CAMTA1: variants seen among roughly 807,000 people sequenced by gnomAD.
CAMTA1 encodes the protein calmodulin-binding transcription activator 1.
In CAMTA1, 27 loss-of-function variants were observed where a neutral mutation model predicts 170.9. That is an observed-to-expected ratio of 0.16 (90% CI 0.12 to 0.22). The LOEUF is 0.22. Ranked by LOEUF, CAMTA1 falls within the 10% of genes least tolerant of loss-of-function variation. CAMTA1 has a pLI of 1.00. For synonymous variants in CAMTA1, 833 were observed against 891.5 expected (o/e 0.93, Z 1.17); for missense variants, 1,619 against 2,217.2 (o/e 0.73, Z 5.42).
At chr1:7,656,014 T>C (rs1479772595) in intron 7 of CAMTA1, among the ~76,000 whole-genome samples, 1 of 152,176 alleles carries the variant, frequency 6.6e-6, no homozygotes, top group Admixed American at 6.5e-5. Flanking sequence ...TTTCTGGGAA[T>C]GGATTCTTTT....
chr1:7,698,024 T>C (rs1049455487), intron 11 of CAMTA1, among the ~76,000 whole-genome samples: 10 of 147,692 alleles, frequency 6.8e-5, no homozygotes, highest in Non-Finnish European at 1.2e-4. Context: ...TCCCTGCAGC[T>C]GAAGCATAGG....
chr1:6,998,441 C>A (rs1490922663), intron 3 of CAMTA1, among the ~76,000 whole-genome samples: 2 of 152,240 alleles, frequency 1.3e-5, no homozygotes, highest in Admixed American at 1.3e-4. Context: ...ACATGCCATG[C>A]CACTCCCTCT....
chr1:7,460,034 G>A (rs942490154), intron 5 of CAMTA1, among the ~76,000 whole-genome samples: 1 of 152,242 alleles, frequency 6.6e-6, no homozygotes, highest in African/African-American at 2.4e-5. Flanking sequence ...TAAAATCACA[G>A]GGCCTTTGCT....
intron 1 of CAMTA1, among the ~76,000 whole-genome samples, chr1:6,789,631 C>T (rs187110718): frequency 6.6e-6 from 1 of 152,144 alleles, no homozygotes; most frequent in Non-Finnish European, 1.5e-5. Flanking sequence ...TTTGAATTTG[C>T]CCTTCTGGGG....
rs2092589448 is a variant in CAMTA1, at chr1:7,443,081, T to C, written c.439-24749T>C. 6.6e-6 allele frequency among the ~76,000 whole-genome samples: 1 copy of C among 151,716 alleles called. No individual in the cohort carries two copies. The highest frequency in any genetic ancestry group is 1.5e-5 in the Non-Finnish European group (1 of 67,740). ...TCCTCCTCCTGACTTCTTGGCCTCA[T>C]TCACTCCAACAGAACTGTCCCTCCC... is the stretch of plus-strand genomic sequence containing the variant. On this transcript the variant is annotated intron_variant, in intron 5 of 22. Coordinates refer to ENST00000303635, the MANE Select transcript of CAMTA1 (RefSeq NM_015215.4). The surrounding 1 kb of genome is among the most constrained non-coding windows in gnomAD (Gnocchi z 4.1).
intron 5 of CAMTA1, among the ~76,000 whole-genome samples, chr1:7,250,377 C>T (rs1390060859): frequency 6.6e-6 from 1 of 152,236 alleles, no homozygotes; most frequent in Non-Finnish European, 1.5e-5. Context: ...TAACTAGCAT[C>T]CACTTCCCTG....
At chr1:7,660,575 G>T (rs1349243007) in intron 7 of CAMTA1, among the ~76,000 whole-genome samples, 1 of 152,078 alleles carries the variant, frequency 6.6e-6, no homozygotes, top group Non-Finnish European at 1.5e-5. Flanking sequence ...TCAAATCCAT[G>T]TCTGAACCGA....
In CAMTA1 at chr1:6,907,823, C is replaced by A. The variant is rs189600570; in HGVS notation, c.234+82613C>A. Among the ~76,000 whole-genome samples, 82 of 152,308 alleles carry A rather than the reference C, an allele frequency of 5.4e-4. 1 individual carries two copies. Among genetic ancestry groups the A allele is most frequent in the African/African-American group, 1.9e-3 (79 of 41,570 alleles). ...TTCCTGTCCAGCCCTTCTGCTCCTG[C>A]CCCACCTGGGAGCCACTGTGGTCCT... On this transcript the variant is annotated intron_variant, in intron 3 of 22. Coordinates refer to ENST00000303635, the MANE Select transcript of CAMTA1 (RefSeq NM_015215.4).
At chr1:7,425,290 C>T (rs1272570512) in intron 5 of CAMTA1, among the ~76,000 whole-genome samples, 2 of 152,178 alleles carry the variant, frequency 1.3e-5, no homozygotes, top group South Asian at 2.1e-4. Flanking sequence ...GCAGGTGGCC[C>T]TTCCATGGTG....
chr1:6,916,485 C>T (rs1680832406), intron 3 of CAMTA1, among the ~76,000 whole-genome samples: 1 of 152,206 alleles, frequency 6.6e-6, no homozygotes, highest in African/African-American at 2.4e-5. Context: ...TACAGGCCCT[C>T]ATGTTTGCTG....
chr1:7,162,263 C>T (rs745565979), intron 4 of CAMTA1, among the ~76,000 whole-genome samples: 17 of 152,098 alleles, frequency 1.1e-4, no homozygotes, highest in Admixed American at 2.6e-4. Flanking sequence ...GTGCAGTGGA[C>T]GCCATTCGAA....
At chr1:6,840,153 C>G (rs948148891) in intron 3 of CAMTA1, among the ~76,000 whole-genome samples, 2 of 151,948 alleles carry the variant, frequency 1.3e-5, no homozygotes, top group African/African-American at 2.4e-5. Flanking sequence ...GAGTCGAGAT[C>G]GTGCCATTGC....
intron 6 of CAMTA1, among the ~76,000 whole-genome samples, chr1:7,597,865 A>C (rs931971039): frequency 2.0e-5 from 3 of 151,974 alleles, no homozygotes; most frequent in African/African-American, 7.3e-5. Flanking sequence ...ATACATGTGC[A>C]GAATGTGCAG....
At chr1:7,003,214 C>G (rs997177010) in intron 3 of CAMTA1, among the ~76,000 whole-genome samples, 21 of 152,352 alleles carry the variant, frequency 1.4e-4, no homozygotes, top group African/African-American at 4.6e-4. Flanking sequence ...TTGCAAACCA[C>G]TGGTCTAACT....
intron 5 of CAMTA1, among the ~76,000 whole-genome samples, chr1:7,387,130 T>TC (rs765634601): frequency 5.3e-5 from 8 of 152,048 alleles, no homozygotes; most frequent in African/African-American, 1.9e-4. Flanking sequence ...GGCTTCAGTC[T>TC]CCCCCCTCCA....
intron 4 of CAMTA1, among the ~76,000 whole-genome samples, chr1:7,157,501 A>G (rs1286943734): frequency 6.6e-6 from 1 of 152,076 alleles, no homozygotes; most frequent in Non-Finnish European, 1.5e-5. Context: ...AATGAGATAT[A>G]ACACACCCAC....
At chr1:6,895,537 C>T (rs1675444146) in intron 3 of CAMTA1, among the ~76,000 whole-genome samples, 1 of 152,352 alleles carries the variant, frequency 6.6e-6, no homozygotes, top group Non-Finnish European at 1.5e-5. Context: ...TAGCTTAAAC[C>T]CTACAGTGAC....
intron 5 of CAMTA1, among the ~76,000 whole-genome samples, chr1:7,284,622 G>A (rs888120620): frequency 1.3e-5 from 2 of 152,202 alleles, no homozygotes; most frequent in African/African-American, 2.4e-5. Flanking sequence ...TTCATGCGAC[G>A]TTTGCTGTGG....
chr1:7,511,697 A>C (rs2094203864), intron 6 of CAMTA1, among the ~76,000 whole-genome samples: 1 of 152,170 alleles, frequency 6.6e-6, no homozygotes, highest in Non-Finnish European at 1.5e-5. Flanking sequence ...TCTTGCTGCC[A>C]GATCTCAAAA....
Sources: allele counts gnomAD v4.1 joint callset (sites outside exome capture counted in the v4.1 genomes callset), GRCh38; gene constraint gnomAD v4.1.1; non-coding constraint Gnocchi (gnomAD v3.1); transcripts MANE v1.5; gene names NCBI Gene and HGNC (gene_info 2026-07-23, HGNC 2026-07-21).